TTF1: variants seen among roughly 807,000 people sequenced by gnomAD.
The protein encoded by TTF1 is transcription termination factor, RNA polymerase I.
A neutral mutation model predicts 80.2 loss-of-function variants in TTF1; 64 were observed. The ratio of observed to expected loss-of-function variants is 0.80; its 90% CI spans 0.65 to 0.98. The LOEUF (loss-of-function observed/expected upper bound fraction) is 0.98, where lower values mean the gene tolerates loss of function less well. Among genes scored for constraint, TTF1 ranks in the 50% least tolerant of loss-of-function variants. The pLI, the probability that TTF1 is intolerant of heterozygous loss-of-function variation, is 0.00. For missense variants in TTF1, 1,023 were observed against 1,086.2 expected (o/e 0.94, Z 0.82); for synonymous variants, 372 against 382.7 (o/e 0.97, Z 0.33).
chr9:132,377,718 ATGTG>A (rs370830521), intron 10 of TTF1, among the ~76,000 whole-genome samples: 8 of 66,940 alleles, frequency 1.2e-4, no homozygotes, highest in Admixed American at 2.1e-4. Flanking sequence ...GTGTGAGTGC[ATGTG>A]TGTGTGAGTG....
intron 4 of TTF1, among the ~76,000 whole-genome samples, chr9:132,397,666 A>T (rs1849676085): frequency 6.6e-6 from 1 of 152,214 alleles, no homozygotes; most frequent in Non-Finnish European, 1.5e-5. Context: ...CACATTCCAA[A>T]TCCCAGAAAG....
In TTF1 at chr9:132,401,523, C is replaced by T; in HGVS notation, c.1299G>A (p.Val433=). Residue 433 remains valine (V), a synonymous_variant, in exon 2 of 11, where the codon GTG becomes GTA. Transcript: ENST00000334270. ...TTTTCTTTTGTCGGGGCCTAGATTTCACACCTTCTTCCATCATGGCGCCAT... is the reference window on the plus strand; with the variant it reads ...TTTTCTTTTGTCGGGGCCTAGATTTTACACCTTCTTCCATCATGGCGCCAT... ...EGDGAMMEEG[V]KSRPRQKKTQ... is the part of the protein sequence containing the mutation. 1 of 1,614,168 alleles carries T rather than the reference C, an allele frequency of 6.2e-7. No individual in the cohort carries two copies. The highest frequency in any genetic ancestry group is 1.3e-5 in the African/African-American group (1 of 75,044).
At position 132,396,483 on chromosome 9, in the gene TTF1, A is replaced by G; in HGVS notation, c.1806T>C (p.Leu602=). ...ACATCTTCTTTGCTCGATAGTATAT[A>G]AGTTTCCAGGGCCGGGCAATGTTCC... ...IGRNIARPWK[L]IYYRAKKMFD... The change falls in exon 5 of 11, where the codon CTT becomes CTC. Residue 602 remains leucine, a synonymous_variant. Transcript: ENST00000334270. The G allele has an allele frequency of 6.2e-7, 1 of 1,614,166 alleles. No individual in the cohort carries two copies. The highest frequency in any genetic ancestry group is 8.5e-7 in the Non-Finnish European group (1 of 1,180,022).
rs1564190968 is a variant in TTF1, at chr9:132,402,000, C to T, written c.822G>A (p.Lys274=). The T allele has an allele frequency of 1.2e-6, 2 of 1,613,376 alleles. No homozygotes were observed. Among genetic ancestry groups the T allele is most frequent in the South Asian group, 1.1e-5 (1 of 91,022 alleles). The part of the protein sequence containing the change: ...PQLLGPTHKK[K]SKKKKKKKSN... ...ACTTTTTCTTCTTTTTTTTCTTAGACTTTTTTTTGTGAGTAGGTCCTAGTA... is the reference window on the plus strand; with the variant it reads ...ACTTTTTCTTCTTTTTTTTCTTAGATTTTTTTTTGTGAGTAGGTCCTAGTA... Residue 274 remains lysine, a synonymous_variant, in exon 2 of 11, where the codon AAG becomes AAA. Transcript: ENST00000334270.
chr9:132,399,748 A>G (rs753241238), intron 3 of TTF1, among the ~76,000 whole-genome samples: 7 of 152,180 alleles, frequency 4.6e-5, no homozygotes, highest in Non-Finnish European at 8.8e-5. Context: ...CAGTGTCTCA[A>G]CCAATTAACC....
chr9:132,397,164 G>A (rs754360126), intron 4 of TTF1, among the ~76,000 whole-genome samples: 11 of 152,194 alleles, frequency 7.2e-5, no homozygotes, highest in Non-Finnish European at 1.3e-4. Flanking sequence ...ATCCTTAAGA[G>A]GCAAAGTAGT....
In TTF1 at chr9:132,386,889, T is replaced by A. The variant is rs184476114; in HGVS notation, c.2313-268A>T. The stretch of plus-strand genomic sequence containing the variant: ...AACAAACCATGTTGCTTTCTCACAG[T>A]AAAAAACACCACCTCATCATTCAAC... On this transcript the variant is annotated intron_variant, in intron 8 of 10. Transcript: ENST00000334270. 2.8e-3 allele frequency among the ~76,000 whole-genome samples: 426 copies of A among 151,724 alleles called. 5 individuals carry two copies. The highest frequency in any genetic ancestry group is 7.4e-4 in the Non-Finnish European group (50 of 68,018).
rs960945165 is a variant in TTF1 at position 132,402,650 on chromosome 9, C to A, written c.172G>T (p.Asp58Tyr). ...QITRRKKRKK[D>Y]FQHLISSPLK... Reference sequence around the variant, plus strand: ...GGAGAAGAAATGAGATGCTGGAAATCTTTTTTCCTCTTTTTCCTCCTAGTT... The same window carrying A: ...GGAGAAGAAATGAGATGCTGGAAATATTTTTTCCTCTTTTTCCTCCTAGTT... Residue 58 changes from aspartate (D) to tyrosine (Y), a missense_variant, in exon 2 of 11, where the codon GAT becomes TAT. Transcript: ENST00000334270. The A allele has an allele frequency of 6.2e-7, 1 of 1,613,040 alleles. No homozygotes were observed.
chr9:132,383,115 G>A (rs956685706), intron 9 of TTF1, among the ~76,000 whole-genome samples: 2 of 151,886 alleles, frequency 1.3e-5, no homozygotes, highest in African/African-American at 2.4e-5. Flanking sequence ...AGGCAGGGTG[G>A]TGCATGCCTC....
At position 132,401,486 on chromosome 9, in the gene TTF1, A is replaced by G. The variant is rs780989711; in HGVS notation, c.1336T>C (p.Leu446=). 12 of 1,612,796 alleles carry G rather than the reference A, an allele frequency of 7.4e-6. No homozygotes were observed. In the East Asian group the frequency reaches 2.5e-4, roughly 33 times the overall value. The part of the protein sequence containing the change: ...RPRQKKTQAC[L]ASKHVQEAPR... The stretch of plus-strand genomic sequence containing the variant: ...GCCTCTTGCACGTGCTTGCTTGCCA[A>G]ACAGGCCTGGGTTTTCTTTTGTCGG... The change falls in exon 2 of 11, where the codon TTG becomes CTG. Residue 446 remains leucine (L), a synonymous_variant. Coordinates refer to ENST00000334270, the MANE Select transcript of TTF1 (RefSeq NM_007344.4).
intron 6 of TTF1, 128 bp from the exon 7 acceptor site, chr9:132,390,959 C>T: frequency 1.3e-6 from 1 of 799,382 alleles, no homozygotes; most frequent in Non-Finnish European, 2.0e-6. Flanking sequence ...AGACATAAAA[C>T]AAACACAATT....
At position 132,402,249 on chromosome 9, in the gene TTF1, T is replaced by G. The variant is rs1849780150; in HGVS notation, c.573A>C (p.Glu191Asp). 8 of 1,614,182 alleles carry G rather than the reference T, an allele frequency of 5.0e-6. No homozygotes were observed. The highest frequency in any genetic ancestry group is 6.8e-6 in the Non-Finnish European group (8 of 1,180,026). The change falls in exon 2 of 11, where the codon GAA (glutamate) becomes GAC (aspartate). Residue 191 changes from glutamate to aspartate, a missense_variant. Transcript: ENST00000334270. Reference sequence around the variant, plus strand: ...AAAGCCAGGACTCCTCCTGGTGGGATTCTGACTGAGGCAGGGTGTCCCTTG... The same window carrying G: ...AAAGCCAGGACTCCTCCTGGTGGGAGTCTGACTGAGGCAGGGTGTCCCTTG... The part of the protein sequence containing the change: ...QRARDTLPQS[E>D]SHQEESWLSV...
chr9:132,399,198 C>CAA (rs1257892532), intron 3 of TTF1, among the ~76,000 whole-genome samples: 3 of 48,248 alleles, frequency 6.2e-5, no homozygotes, highest in African/African-American at 1.5e-4. Flanking sequence ...GACTCTGTCT[C>CAA]AAAAAAAAAA....
intron 1 of TTF1, among the ~76,000 whole-genome samples, chr9:132,405,133 C>T (rs1176820013): frequency 3.9e-5 from 6 of 152,184 alleles, no homozygotes; most frequent in East Asian, 1.9e-4. Context: ...GTGATCCAAC[C>T]GCCTCGGCCT....
At chr9:132,385,130 C>A (rs1849437296) in intron 9 of TTF1, among the ~76,000 whole-genome samples, 1 of 152,292 alleles carries the variant, frequency 6.6e-6, no homozygotes, top group South Asian at 2.1e-4. Flanking sequence ...AGTCATTTAA[C>A]CAGCGCTAAA....
At chr9:132,377,605 T>A (rs1589813533) in intron 10 of TTF1, among the ~76,000 whole-genome samples, 2 of 98,814 alleles carry the variant, frequency 2.0e-5, no homozygotes, top group South Asian at 3.9e-4. Flanking sequence ...GTGGTGTGTG[T>A]GTGAATGCAT....
chr9:132,378,261 TGA>T (rs1184213765), intron 10 of TTF1, among the ~76,000 whole-genome samples: 4 of 133,548 alleles, frequency 3.0e-5, no homozygotes, highest in African/African-American at 8.7e-5. Context: ...GTGGTGTGTG[TGA>T]GTGCATGTGG....
In TTF1 at chr9:132,401,509, C is replaced by T. The variant is rs200157893; in HGVS notation, c.1313G>A (p.Arg438Gln). The T allele has an allele frequency of 4.8e-5, 78 of 1,614,062 alleles. No individual in the cohort carries two copies. In the African/African-American group the frequency reaches 5.3e-4, roughly 11 times the overall value. Reference protein sequence around the residue: ...MMEEGVKSRPRQKKTQACLAS... With the variant: ...MMEEGVKSRPQQKKTQACLAS... ...CAAACAGGCCTGGGTTTTCTTTTGT[C>T]GGGGCCTAGATTTCACACCTTCTTC... The change falls in exon 2 of 11, where the codon CGA (arginine) becomes CAA (glutamine). Residue 438 changes from arginine (R) to glutamine (Q), a missense_variant. Transcript: ENST00000334270.
intron 10 of TTF1, 70 bp downstream of exon 10, chr9:132,378,989 G>T: frequency 8.2e-7 from 1 of 1,221,814 alleles, no homozygotes; most frequent in South Asian, 1.4e-5. Flanking sequence ...ACCTGCCTAG[G>T]TGACTTTCAT....
Sources: gnomAD v4.1 joint callset for allele counts (sites outside exome capture counted in the v4.1 genomes callset) on GRCh38, gnomAD v4.1.1 for gene constraint, MANE v1.5 for transcripts, NCBI Gene and HGNC (gene_info 2026-07-23, HGNC 2026-07-21) for gene names.